Variants in AHCYL2 observed in about 807,000 individuals in gnomAD.
AHCYL2 encodes the protein adenosylhomocysteinase like 2.
Under a neutral mutation model 81.4 loss-of-function variants are expected in AHCYL2, and 28 were observed. That is an observed-to-expected ratio of 0.34 (90% CI 0.25 to 0.47). AHCYL2 has a LOEUF of 0.47. AHCYL2 is among the 20% of genes least tolerant of loss of function. AHCYL2 has a pLI of 1.00. For synonymous variants in AHCYL2, 272 were observed against 290.2 expected (o/e 0.94, Z 0.64); for missense variants, 551 against 785.1 (o/e 0.70, Z 3.56).
rs561234480 is a variant in AHCYL2, at chr7:129,419,449, G to C, written c.1462-3391G>C. On this transcript the variant is annotated intron_variant, in intron 12 of 16. Transcript: ENST00000325006. The surrounding 1 kb of genome is among the most constrained non-coding windows in gnomAD (Gnocchi z 4.7). The stretch of plus-strand genomic sequence containing the variant: ...TGTGCCTGTAATCCCAGCTACTCAG[G>C]AGGCTGAGGCAGGAGAATCGCCTGA... Among the ~76,000 whole-genome samples the C allele has an allele frequency of 1.1e-4, 17 of 152,198 alleles. No individual in the cohort carries two copies. In the South Asian group the frequency reaches 3.3e-3, roughly 30 times the overall value.
At chr7:129,282,466 T>C (rs1187807497) in intron 1 of AHCYL2, among the ~76,000 whole-genome samples, 1 of 152,172 alleles carries the variant, frequency 6.6e-6, no homozygotes, top group Non-Finnish European at 1.5e-5. Context: ...AGTTCACTCA[T>C]CTCTTATGTT....
chr7:129,368,680 C>A lies in AHCYL2; in HGVS notation c.364-10958C>A. ...TCCGTGGTTGGAAAAACAGTTATTA[C>A]TCTACGTTCTGATTAGTTCCTAGGT... is the stretch of plus-strand genomic sequence containing the variant. On this transcript the variant is annotated intron_variant, in intron 1 of 16. Transcript: ENST00000325006. The surrounding 1 kb of genome is among the most constrained non-coding windows in gnomAD (Gnocchi z 4.4). The A allele has an allele frequency of 9.0e-7, 1 of 1,111,558 alleles. No individual in the cohort carries two copies. 68.9% of individuals were successfully genotyped at this position (1,111,558 alleles called of 1,614,324 possible).
At position 129,358,237 on chromosome 7, in the gene AHCYL2, C is replaced by CA. The variant is rs757756519; in HGVS notation, c.364-21396dup. Among the ~76,000 whole-genome samples, 425 of 149,056 alleles carry CA rather than the reference C, an allele frequency of 2.9e-3. 2 individuals are homozygous for CA. Among genetic ancestry groups the CA allele is most frequent in the Non-Finnish European group, 3.7e-3 (250 of 66,812 alleles). On this transcript the variant is annotated intron_variant, in intron 1 of 16. Coordinates refer to ENST00000325006, the MANE Select transcript of AHCYL2 (RefSeq NM_015328.4). ...TGAAACCCCGTCTCTACTAAACATA[C>CA]AAAAATTAGCCGGGCGTGGTGGCGG... is the stretch of plus-strand genomic sequence containing the variant.
chr7:129,281,112 C>T (rs1431685866), intron 1 of AHCYL2, among the ~76,000 whole-genome samples: 1 of 152,090 alleles, frequency 6.6e-6, no homozygotes, highest in East Asian at 1.9e-4. Flanking sequence ...ATCTGCCCAC[C>T]TTGGCCTCCC....
At chr7:129,375,756 C>T (rs891563358) in intron 1 of AHCYL2, 1 of 1,496,990 alleles carries the variant, frequency 6.7e-7, no homozygotes, top group Non-Finnish European at 8.9e-7. Context: ...CACTCCCCAG[C>T]CCAAAAAGCT....
At chr7:129,353,963 CTG>C (rs1793653963) in intron 1 of AHCYL2, among the ~76,000 whole-genome samples, 1 of 151,946 alleles carries the variant, frequency 6.6e-6, no homozygotes, top group African/African-American at 2.4e-5. Context: ...ATATTAATAA[CTG>C]TGTCAAAATC....
At chr7:129,233,934 C>T (rs1794541138) in intron 1 of AHCYL2, among the ~76,000 whole-genome samples, 1 of 152,134 alleles carries the variant, frequency 6.6e-6, no homozygotes, top group Admixed American at 6.6e-5. Context: ...TCATCTTTTT[C>T]TCCTTCATTC....
chr7:129,386,713 C>G (rs923850971), intron 2 of AHCYL2, among the ~76,000 whole-genome samples: 1 of 152,032 alleles, frequency 6.6e-6, no homozygotes, highest in Non-Finnish European at 1.5e-5. Context: ...TTTCTTCTGA[C>G]TCATTCTTAG....
chr7:129,268,949 C>G (rs1336715041), intron 1 of AHCYL2, among the ~76,000 whole-genome samples: 7 of 152,204 alleles, frequency 4.6e-5, no homozygotes, highest in Middle Eastern at 3.4e-3. Context: ...TTCATCATCC[C>G]AGAAAGAAAC....
At chr7:129,270,369 T>C (rs1795966286) in intron 1 of AHCYL2, among the ~76,000 whole-genome samples, 1 of 152,210 alleles carries the variant, frequency 6.6e-6, no homozygotes, top group Admixed American at 6.5e-5. Flanking sequence ...GCAAATAACC[T>C]TGGACCTATG....
At chr7:129,254,093 A>C (rs1795330822) in intron 1 of AHCYL2, among the ~76,000 whole-genome samples, 1 of 152,198 alleles carries the variant, frequency 6.6e-6, no homozygotes. Context: ...TGTCTTTGAG[A>C]TGTTAGTATA....
At chr7:129,403,095 G>A (rs751312230) in intron 6 of AHCYL2, among the ~76,000 whole-genome samples, 6 of 152,030 alleles carry the variant, frequency 3.9e-5, no homozygotes, top group African/African-American at 2.4e-5. Context: ...GAAAATCCTC[G>A]GTTAGTTGCT....
chr7:129,330,768 C>T (rs1209232205), intron 1 of AHCYL2, among the ~76,000 whole-genome samples: 1 of 152,124 alleles, frequency 6.6e-6, no homozygotes, highest in African/African-American at 2.4e-5. Flanking sequence ...GCCTCTGGTA[C>T]ATTTTTTAAA....
intron 1 of AHCYL2, among the ~76,000 whole-genome samples, chr7:129,244,969 G>C (rs1046353219): frequency 2.6e-5 from 4 of 151,290 alleles, no homozygotes; most frequent in African/African-American, 9.7e-5. Flanking sequence ...AATTTGCGTA[G>C]TGTAAAATCC....
chr7:129,364,381 T>G (rs1794034032), intron 1 of AHCYL2, among the ~76,000 whole-genome samples: 1 of 152,106 alleles, frequency 6.6e-6, no homozygotes, highest in Admixed American at 6.5e-5. Context: ...TGCAACCTCT[T>G]CCAAGTTCAA....
intron 1 of AHCYL2, among the ~76,000 whole-genome samples, chr7:129,269,300 T>C (rs1795921593): frequency 6.6e-6 from 1 of 151,892 alleles, no homozygotes; most frequent in South Asian, 2.1e-4. Context: ...TTTTTTTTTT[T>C]TTTGAGACAG....
At chr7:129,408,211 G>C (rs1796393507) in intron 10 of AHCYL2, among the ~76,000 whole-genome samples, 1 of 152,166 alleles carries the variant, frequency 6.6e-6, no homozygotes, top group African/African-American at 2.4e-5. Context: ...ATTGCATTTA[G>C]GAAAATCACT....
intron 12 of AHCYL2, among the ~76,000 whole-genome samples, chr7:129,420,738 G>T (rs1247971874): frequency 6.6e-6 from 1 of 151,220 alleles, no homozygotes; most frequent in Non-Finnish European, 1.5e-5. Context: ...TTCCCACCTT[G>T]GCCTCCCAAA....
chr7:129,229,980 A>G (rs1794363464), intron 1 of AHCYL2, among the ~76,000 whole-genome samples: 1 of 152,120 alleles, frequency 6.6e-6, no homozygotes, highest in Non-Finnish European at 1.5e-5. Flanking sequence ...CTATGAGTCA[A>G]TCTTTGATAA....
Sources: allele counts gnomAD v4.1 joint callset (sites outside exome capture counted in the v4.1 genomes callset), GRCh38; gene constraint gnomAD v4.1.1; non-coding constraint Gnocchi (gnomAD v3.1); transcripts MANE v1.5; gene names NCBI Gene and HGNC (gene_info 2026-07-23, HGNC 2026-07-21).